ATL2: variants seen among roughly 807,000 people sequenced by gnomAD.
ATL2 encodes the protein atlastin-2.
A neutral mutation model predicts 73.9 loss-of-function variants in ATL2; 31 were observed. The ratio of observed to expected loss-of-function variants is 0.42; its 90% CI spans 0.32 to 0.57. ATL2 has a LOEUF of 0.57. Among genes scored for constraint, ATL2 ranks in the 20% least tolerant of loss-of-function variants. The probability of loss-of-function intolerance (pLI) is 0.14; values close to 1 mark genes in which losing one functional copy is unlikely to be tolerated. For missense variants in ATL2, 738 were observed against 702.6 expected (o/e 1.05, Z -0.57); for synonymous variants, 291 against 237.5 (o/e 1.23, Z -2.07).
chr2:38,300,918 A>T (rs1368540196), intron 9 of ATL2, among the ~76,000 whole-genome samples: 2 of 151,488 alleles, frequency 1.3e-5, no homozygotes, highest in Non-Finnish European at 2.9e-5. Context: ...TTTAAGAGTA[A>T]GAAGGAAAAG....
intron 9 of ATL2, among the ~76,000 whole-genome samples, chr2:38,301,034 G>A (rs957338763): frequency 1.5e-4 from 23 of 149,780 alleles, no homozygotes; most frequent in African/African-American, 5.3e-4. Flanking sequence ...GCAACGGCAC[G>A]ACCTCAGCTC....
chr2:38,345,896 T>G (rs539290985), intron 1 of ATL2, among the ~76,000 whole-genome samples: 1 of 152,204 alleles, frequency 6.6e-6, no homozygotes, highest in African/African-American at 2.4e-5. Flanking sequence ...ACCTAACTCA[T>G]AGGGTTGTCA....
chr2:38,354,117 G>A (rs1407045787), intron 1 of ATL2: 10 of 410,360 alleles, frequency 2.4e-5, no homozygotes, highest in East Asian at 8.6e-5. Context: ...ACTTGAACCC[G>A]GGAGGTTGCA....
At chr2:38,370,685 T>C (rs1342976102) in intron 1 of ATL2, among the ~76,000 whole-genome samples, 1 of 151,814 alleles carries the variant, frequency 6.6e-6, no homozygotes, top group Non-Finnish European at 1.5e-5. Flanking sequence ...AAGAATCTCT[T>C]GAACCCAGAG....
intron 1 of ATL2, among the ~76,000 whole-genome samples, chr2:38,345,103 C>G (rs1006253047): frequency 1.3e-5 from 2 of 152,142 alleles, no homozygotes; most frequent in African/African-American, 4.8e-5. Context: ...CTTGATCCCA[C>G]GTAGCAACTA....
chr2:38,365,595 C>A (rs1671275578), intron 1 of ATL2, among the ~76,000 whole-genome samples: 1 of 152,120 alleles, frequency 6.6e-6, no homozygotes, highest in South Asian at 2.1e-4. Flanking sequence ...TCGAGACCAG[C>A]CTGCCCAACA....
intron 1 of ATL2, among the ~76,000 whole-genome samples, chr2:38,374,961 T>A (rs981647932): frequency 7.9e-5 from 12 of 152,256 alleles, no homozygotes; most frequent in African/African-American, 2.9e-4. Flanking sequence ...ATATCTTTAC[T>A]GTAAGGCAGC....
intron 6 of ATL2, among the ~76,000 whole-genome samples, chr2:38,313,764 G>C (rs568220960): frequency 4.3e-4 from 66 of 152,250 alleles, no homozygotes; most frequent in Non-Finnish European, 8.4e-4. Context: ...GTGTATTGTA[G>C]AACGTTGAAC....
intron 9 of ATL2, among the ~76,000 whole-genome samples, chr2:38,305,972 A>C (rs1189773898): frequency 1.3e-5 from 2 of 152,190 alleles, no homozygotes; most frequent in African/African-American, 4.8e-5. Context: ...TTGATTTTTT[A>C]AAAAGATAAA....
At position 38,338,611 on chromosome 2, in the gene ATL2, T is replaced by A. The variant is rs77581013; in HGVS notation, c.363+4657A>T. On this transcript the variant is annotated intron_variant, in intron 2 of 12. Transcript: ENST00000378954. Reference sequence around the variant, plus strand: ...GAATCCTAAATAATATATTTAGATGTCTTCCTCCTATCAGAAGGTAGAGCT... The same window carrying A: ...GAATCCTAAATAATATATTTAGATGACTTCCTCCTATCAGAAGGTAGAGCT... Among the ~76,000 whole-genome samples, 1,046 of 152,262 alleles carry A rather than the reference T, an allele frequency of 6.9e-3. 13 individuals are homozygous for A. Among genetic ancestry groups the A allele is most frequent in the East Asian group, 0.058 (298 of 5,182 alleles).
chr2:38,305,078 C>CAA (rs368555876), intron 9 of ATL2, among the ~76,000 whole-genome samples: 11 of 148,582 alleles, frequency 7.4e-5, no homozygotes, highest in African/African-American at 2.5e-4. Context: ...AAATGGAAAC[C>CAA]AAAAAAAAAG....
chr2:38,367,093 T>C (rs1671372261), intron 1 of ATL2, among the ~76,000 whole-genome samples: 1 of 151,974 alleles, frequency 6.6e-6, no homozygotes, highest in Non-Finnish European at 1.5e-5. Flanking sequence ...GTGCTGGGAT[T>C]AAAGGCACGA....
At chr2:38,320,240 T>C (rs1044829236) in intron 2 of ATL2, among the ~76,000 whole-genome samples, 1 of 152,162 alleles carries the variant, frequency 6.6e-6, no homozygotes, top group South Asian at 2.1e-4. Context: ...GGTTATCTCA[T>C]TAGATGGTGT....
At chr2:38,315,595 TAGA>T (rs1667989006) in intron 4 of ATL2, among the ~76,000 whole-genome samples, 1 of 152,192 alleles carries the variant, frequency 6.6e-6, no homozygotes, top group Non-Finnish European at 1.5e-5. Flanking sequence ...CTAAAAGTGG[TAGA>T]AGAACAAGTG....
At chr2:38,376,578 C>A (rs1460269317) in intron 1 of ATL2, 1 of 158,506 alleles carries the variant, frequency 6.3e-6, no homozygotes, top group South Asian at 2.0e-4. Context: ...CTGCGGACTG[C>A]GGTTCCCTCC....
chr2:38,367,027 A>G (rs188730234), intron 1 of ATL2, among the ~76,000 whole-genome samples: 1 of 152,136 alleles, frequency 6.6e-6, no homozygotes, highest in African/African-American at 2.4e-5. Context: ...TTTTAGCAAC[A>G]GAGTCTCACT....
Position 38,357,914 on chromosome 2 carries a change from C to T in ATL2, c.119-14402G>A, listed in dbSNP as rs114189806. 9.6e-3 allele frequency among the ~76,000 whole-genome samples: 1,454 copies of T among 152,156 alleles called. 24 individuals carry two copies. The highest frequency in any genetic ancestry group is 0.012 in the Non-Finnish European group (825 of 67,992). ...TTACTCATTTTAAAAATAAGAAAAACATACAATTAAACCACTGTTTGGGGG... is the reference window on the plus strand; with the variant it reads ...TTACTCATTTTAAAAATAAGAAAAATATACAATTAAACCACTGTTTGGGGG... On this transcript the variant is annotated intron_variant, in intron 1 of 12. Transcript: ENST00000378954.
intron 9 of ATL2, among the ~76,000 whole-genome samples, chr2:38,301,406 A>T (rs1475091951): frequency 6.6e-6 from 1 of 152,222 alleles, no homozygotes; most frequent in Non-Finnish European, 1.5e-5. Flanking sequence ...AACCACCTTC[A>T]TAAGAACCAA....
chr2:38,297,970 A>T (rs769799396), intron 12 of ATL2, 174 bp downstream of exon 12: 14 of 650,202 alleles, frequency 2.2e-5, no homozygotes, highest in Non-Finnish European at 3.3e-5. Flanking sequence ...CATTAAAATT[A>T]TAACTTTAAA....
Sources: gnomAD v4.1 joint callset for allele counts (sites outside exome capture counted in the v4.1 genomes callset) on GRCh38, gnomAD v4.1.1 for gene constraint, MANE v1.5 for transcripts, NCBI Gene and HGNC (gene_info 2026-07-23, HGNC 2026-07-21) for gene names.